The following ZNF704 variants were observed in gnomAD, a reference collection of about 807,000 sequenced individuals.
The protein encoded by ZNF704 is glucocorticoid induced gene 1.
Under a neutral mutation model 44.7 loss-of-function variants are expected in ZNF704, and 10 were observed. The observed-to-expected ratio is 0.22, with a 90% CI of 0.14 to 0.38. The LOEUF (loss-of-function observed/expected upper bound fraction) is 0.38. ZNF704 is among the 10% of genes least tolerant of loss of function. ZNF704 has a pLI of 1.00. For missense variants in ZNF704, 390 were observed against 545.5 expected (o/e 0.71, Z 2.84); for synonymous variants, 211 against 207.6 (o/e 1.02, Z -0.14).
intron 5 of ZNF704, among the ~76,000 whole-genome samples, chr8:80,667,435 G>A (rs1340571806): frequency 1.3e-5 from 2 of 152,228 alleles, no homozygotes; most frequent in Admixed American, 1.3e-4. Flanking sequence ...AGCAGTGCAA[G>A]GGCTGAGACG....
At chr8:80,812,505 C>T (rs992163633) in intron 2 of ZNF704, 1 of 152,804 alleles carries the variant, frequency 6.5e-6, no homozygotes, top group African/African-American at 2.4e-5. Flanking sequence ...AGCATCTGGG[C>T]GCTGCTTCCT....
At chr8:80,698,968 T>C (rs919800009) in intron 2 of ZNF704, among the ~76,000 whole-genome samples, 1 of 152,194 alleles carries the variant, frequency 6.6e-6, no homozygotes. Context: ...GTTTTACACC[T>C]TGGAGAGCCA....
chr8:80,767,950 T>C (rs1040777423), intron 2 of ZNF704, among the ~76,000 whole-genome samples: 1 of 152,164 alleles, frequency 6.6e-6, no homozygotes, highest in Non-Finnish European at 1.5e-5. Flanking sequence ...TCCCTGAGGT[T>C]TTCTTGAACA....
intron 2 of ZNF704, among the ~76,000 whole-genome samples, chr8:80,787,819 G>A (rs190197833): frequency 1.6e-3 from 250 of 152,182 alleles, no homozygotes; most frequent in African/African-American, 5.3e-3. Context: ...CCAGTATGTT[G>A]TAAGGAGAAA....
In ZNF704 at chr8:80,640,397, G is replaced by C. The variant is rs892708617; in HGVS notation, c.*969C>G. The stretch of plus-strand genomic sequence containing the variant: ...GAGTTCTCTACCTCTTCTGAAATCA[G>C]TCAGTGGTGGAGTCTGGAGAGAAGG... On this transcript the variant is annotated 3_prime_UTR_variant, in exon 9 of 9. Coordinates refer to ENST00000327835, the MANE Select transcript of ZNF704 (RefSeq NM_001033723.3). 6.6e-6 allele frequency: 1 copy of C among 152,646 alleles called. No homozygotes were observed. The highest frequency in any genetic ancestry group is 6.5e-5 in the Admixed American group (1 of 15,282). 9.5% of individuals were successfully genotyped at this position (152,646 alleles called of 1,614,324 possible). A position where few individuals can be genotyped will look rare whatever the true frequency, so the allele number is the denominator to read the frequency against.
intron 5 of ZNF704, among the ~76,000 whole-genome samples, chr8:80,665,668 T>C (rs1300501396): frequency 1.3e-5 from 2 of 152,068 alleles, no homozygotes; most frequent in Non-Finnish European, 2.9e-5. Flanking sequence ...TACCCCCCCA[T>C]TCAACCTCTG....
intron 2 of ZNF704, among the ~76,000 whole-genome samples, chr8:80,769,607 T>C (rs188813433): frequency 1.1e-4 from 16 of 152,322 alleles, no homozygotes; most frequent in African/African-American, 3.8e-4. Context: ...TGACCTTTGC[T>C]CCAGTTCCCA....
chr8:80,732,063 T>C (rs2131681732), intron 2 of ZNF704, among the ~76,000 whole-genome samples: 1 of 152,252 alleles, frequency 6.6e-6, no homozygotes, highest in African/African-American at 2.4e-5. Context: ...GAAACTCTGG[T>C]TTTGCACTAT....
In ZNF704 at chr8:80,685,317, A is replaced by C. The variant is rs1164218211; in HGVS notation, c.558+1909T>G. On this transcript the variant is annotated intron_variant, in intron 4 of 8. Transcript: ENST00000327835. Reference sequence around the variant, plus strand: ...GGCTCAGTGGCTACATCAGAAATGGAAGGGTATGACAGGCTTTCATTAATG... The same window carrying C: ...GGCTCAGTGGCTACATCAGAAATGGCAGGGTATGACAGGCTTTCATTAATG... Among the ~76,000 whole-genome samples the C allele has an allele frequency of 2.0e-5, 3 of 152,036 alleles. No homozygotes were observed. The East Asian group carries it at 5.8e-4, about 29-fold the overall frequency.
At chr8:80,870,261 G>T (rs1315213330) in intron 1 of ZNF704, among the ~76,000 whole-genome samples, 1 of 152,172 alleles carries the variant, frequency 6.6e-6, no homozygotes, top group African/African-American at 2.4e-5. Context: ...TTCCCATGAT[G>T]CTTTAGTCAT....
At position 80,777,603 on chromosome 8, in the gene ZNF704, G is replaced by T. The variant is rs910353785; in HGVS notation, c.221+43771C>A. Reference sequence around the variant, plus strand: ...CATATGAAAGTAACCCATGGGCCAGGCATGGTAGCTCACACCTGTAATCCC... The same window carrying T: ...CATATGAAAGTAACCCATGGGCCAGTCATGGTAGCTCACACCTGTAATCCC... On this transcript the variant is annotated intron_variant, in intron 2 of 8. Transcript: ENST00000327835. 3.9e-5 allele frequency among the ~76,000 whole-genome samples: 6 copies of T among 152,188 alleles called. No homozygotes were observed. In the South Asian group the frequency reaches 1.2e-3, roughly 32 times the overall value.
At chr8:80,776,246 A>G (rs1252593016) in intron 2 of ZNF704, among the ~76,000 whole-genome samples, 2 of 152,212 alleles carry the variant, frequency 1.3e-5, no homozygotes, top group Non-Finnish European at 2.9e-5. Flanking sequence ...GAATTACTGA[A>G]TCAATGGTAT....
chr8:80,828,254 G>C (rs1360275885), intron 1 of ZNF704, among the ~76,000 whole-genome samples: 1 of 152,124 alleles, frequency 6.6e-6, no homozygotes, highest in Non-Finnish European at 1.5e-5. Context: ...CCTATCACTT[G>C]TAACAAAATG....
the ZNF704 span, among the ~76,000 whole-genome samples, chr8:80,881,308 A>G: frequency 2.0e-5 from 3 of 152,378 alleles, no homozygotes; most frequent in East Asian, 5.8e-4. Flanking sequence ...GTCTTTGACG[A>G]TGTACAAACC....
intron 4 of ZNF704, among the ~76,000 whole-genome samples, chr8:80,680,945 T>C (rs1350538509): frequency 6.6e-6 from 1 of 152,164 alleles, no homozygotes; most frequent in Non-Finnish European, 1.5e-5. Context: ...AACAAAACAG[T>C]TCTGTAAATG....
chr8:80,800,301 A>C (rs1464155376), intron 2 of ZNF704, among the ~76,000 whole-genome samples: 1 of 152,200 alleles, frequency 6.6e-6, no homozygotes, highest in African/African-American at 2.4e-5. Flanking sequence ...CAACATTCAA[A>C]TTCAGGAAAT....
rs1408339941 is a variant in ZNF704 at position 80,628,965 on chromosome 8, T to C, written c.*12401A>G. 6.6e-6 allele frequency: 1 copy of C among 152,252 alleles called. No individual in the cohort carries two copies. Among genetic ancestry groups the C allele is most frequent in the Non-Finnish European group, 1.5e-5 (1 of 68,032 alleles). 9.4% of individuals were successfully genotyped at this position (152,252 alleles called of 1,614,324 possible). ...TATGAACATTTAACATTGTACATCT[T>C]CGATCTGAAAATTTCCTTCTGTTTC... On this transcript the variant is annotated 3_prime_UTR_variant, in exon 9 of 9. Transcript: ENST00000327835.
At chr8:80,861,517 G>A (rs564393873) in intron 1 of ZNF704, among the ~76,000 whole-genome samples, 3 of 152,170 alleles carry the variant, frequency 2.0e-5, no homozygotes, top group Non-Finnish European at 4.4e-5. Context: ...GATGATGGCT[G>A]CACAACTCTG....
chr8:80,705,749 C>A (rs1483742660), intron 2 of ZNF704, among the ~76,000 whole-genome samples: 1 of 152,138 alleles, frequency 6.6e-6, no homozygotes, highest in Non-Finnish European at 1.5e-5. Context: ...GCTGCCAGGG[C>A]AGCCAGCCTC....
Sources: gnomAD v4.1 joint callset for allele counts (sites outside exome capture counted in the v4.1 genomes callset) on GRCh38, gnomAD v4.1.1 for gene constraint, MANE v1.5 for transcripts, NCBI Gene and HGNC (gene_info 2026-07-23, HGNC 2026-07-21) for gene names.